FMN1: variants seen among roughly 807,000 people sequenced by gnomAD.
FMN1 encodes formin-1.
A neutral mutation model predicts 132.4 loss-of-function variants in FMN1; 110 were observed. The observed-to-expected ratio is 0.83, with a 90% confidence interval of 0.71 to 0.97. The LOEUF (loss-of-function observed/expected upper bound fraction) is 0.97, where lower values mean the gene tolerates loss of function less well. Among genes scored for constraint, FMN1 ranks in the 50% least tolerant of loss-of-function variants. The pLI is 0.00. For missense variants in FMN1, 1,792 were observed against 1,705.3 expected, an observed-to-expected ratio of 1.05 and a Z score of -0.90; for synonymous variants, 722 against 651.7, an observed-to-expected ratio of 1.11 and a Z score of -1.64.
At chr15:32,937,230 A>G (rs1226042015) in intron 9 of FMN1, among the ~76,000 whole-genome samples, 6 of 152,138 alleles carry the variant, frequency 3.9e-5, no homozygotes, top group Admixed American at 3.3e-4. Context: ...TTCACACACA[A>G]CAGAAACCAG....
In FMN1 at chr15:33,067,248, T is replaced by G. The variant is rs747253788; in HGVS notation, c.2044-2174A>C. ...TTGCCAGCTTCCAGTTTGCTGCTCATCTCAGGTGGAATCCTTTGAGGATCT... is the reference window on the plus strand; with the variant it reads ...TTGCCAGCTTCCAGTTTGCTGCTCAGCTCAGGTGGAATCCTTTGAGGATCT... On this transcript the variant is annotated intron_variant, in intron 5 of 20. Coordinates refer to ENST00000616417, the MANE Select transcript of FMN1 (RefSeq NM_001277313.2). 3 of 1,613,502 alleles carry G rather than the reference T, an allele frequency of 1.9e-6. No individual in the cohort carries two copies. In the South Asian group the frequency reaches 3.3e-5, roughly 18 times the overall value.
At chr15:33,068,969 C>G (rs1471478088) in intron 5 of FMN1, among the ~76,000 whole-genome samples, 2 of 152,220 alleles carry the variant, frequency 1.3e-5, no homozygotes, top group African/African-American at 2.4e-5. Context: ...CGCCTCTCCC[C>G]CTTTGGTGTC....
chr15:33,150,113 C>T, intron 4 of FMN1: 2 of 985,430 alleles, frequency 2.0e-6, no homozygotes, highest in South Asian at 4.7e-5. Flanking sequence ...CAAGAGCATA[C>T]TAAAGATTGG....
At chr15:32,895,241 C>T (rs2060125342) in intron 15 of FMN1, among the ~76,000 whole-genome samples, 1 of 151,402 alleles carries the variant, frequency 6.6e-6, no homozygotes, top group Admixed American at 6.6e-5. Context: ...TGTTCGTATG[C>T]ATGTGTGAGA....
chr15:33,095,124 G>C (rs1290796180), intron 4 of FMN1, among the ~76,000 whole-genome samples: 1 of 152,184 alleles, frequency 6.6e-6, no homozygotes, highest in Non-Finnish European at 1.5e-5. Context: ...GAGGTGGGCA[G>C]ATCACTAGAG....
intron 5 of FMN1, among the ~76,000 whole-genome samples, chr15:33,085,079 T>C (rs1566902036): frequency 6.6e-6 from 1 of 152,226 alleles, no homozygotes; most frequent in Non-Finnish European, 1.5e-5. Context: ...CTGCTAGTCA[T>C]TAACAGCAGG....
intron 5 of FMN1, among the ~76,000 whole-genome samples, chr15:33,079,702 T>C (rs1343894293): frequency 6.6e-6 from 1 of 152,260 alleles, no homozygotes; most frequent in African/African-American, 2.4e-5. Context: ...CTTTAAGAAT[T>C]TGTGATCAGC....
In FMN1 at chr15:32,773,979, T is replaced by A; in HGVS notation, c.*331A>T. ...AATGTGACATATATCAAGCTTTGGTTATAAAGCTGGAAATCTCAGCTTTTA... is the reference window on the plus strand; with the variant it reads ...AATGTGACATATATCAAGCTTTGGTAATAAAGCTGGAAATCTCAGCTTTTA... On this transcript the variant is annotated 3_prime_UTR_variant, in exon 21 of 21. Transcript: ENST00000616417. 3.0e-6 allele frequency: 1 copy of A among 334,972 alleles called. No homozygotes were observed. The allele number at this position is 334,972 out of a possible 1,614,324, so 20.7% of individuals were successfully genotyped here.
chr15:32,892,698 T>G (rs958553221), intron 15 of FMN1, among the ~76,000 whole-genome samples: 2 of 152,210 alleles, frequency 1.3e-5, no homozygotes, highest in Non-Finnish European at 2.9e-5. Context: ...TGGACCTTTT[T>G]TTTTGTTGGT....
At chr15:33,108,932 G>A (rs182715627) in intron 4 of FMN1, among the ~76,000 whole-genome samples, 2 of 152,226 alleles carry the variant, frequency 1.3e-5, no homozygotes, top group East Asian at 1.9e-4. Context: ...CTCCCAATAT[G>A]AATCCTTCAG....
rs191225019 is a variant in FMN1, at chr15:32,892,637, C to T, written c.3715-4345G>A. Among the ~76,000 whole-genome samples, 119 of 152,244 alleles carry T rather than the reference C, an allele frequency of 7.8e-4. 3 individuals carry two copies. Among genetic ancestry groups the T allele is most frequent in the East Asian group, 5.8e-4 (3 of 5,184 alleles). ...GGAATAGTGTCAAAAGGATTGTTAT[C>T]AATTCTCCTTTGAATGTCTGGTAGA... On this transcript the variant is annotated intron_variant, in intron 15 of 20. Transcript: ENST00000616417.
rs145089392 is a variant in FMN1, at chr15:33,055,653, T to G, written c.2161+9304A>C. Among the ~76,000 whole-genome samples the G allele has an allele frequency of 2.8e-3, 416 of 151,102 alleles. 1 individual carries two copies. Among genetic ancestry groups the G allele is most frequent in the Non-Finnish European group, 4.4e-3 (296 of 67,834 alleles). On this transcript the variant is annotated intron_variant, in intron 6 of 20. Coordinates refer to ENST00000616417, the MANE Select transcript of FMN1 (RefSeq NM_001277313.2). ...AAATCAACGCCCAGAATATTGCAGG[T>G]CTAAATGACAAATGAAGAGCACTAA...
intron 10 of FMN1, among the ~76,000 whole-genome samples, chr15:32,916,569 C>T (rs1237696844): frequency 6.6e-6 from 1 of 152,190 alleles, no homozygotes; most frequent in Admixed American, 6.5e-5. Context: ...GTTGGGTTGG[C>T]TCACCAGGTT....
At chr15:32,804,260 G>C in intron 18 of FMN1, 21 bp downstream of exon 18, 1 of 1,545,916 alleles carries the variant, frequency 6.5e-7, no homozygotes, top group Non-Finnish European at 8.8e-7. Context: ...AAAGAACTGG[G>C]GCCAAATCAG....
intron 7 of FMN1, among the ~76,000 whole-genome samples, chr15:32,990,283 G>A (rs2033351662): frequency 6.6e-6 from 1 of 152,080 alleles, no homozygotes; most frequent in South Asian, 2.1e-4. Flanking sequence ...CACTGGGAGG[G>A]CAGCAAAGAA....
At chr15:32,914,613 A>G (rs2060640307) in intron 10 of FMN1, among the ~76,000 whole-genome samples, 1 of 152,224 alleles carries the variant, frequency 6.6e-6, no homozygotes, top group Admixed American at 6.5e-5. Flanking sequence ...TATTACACAC[A>G]CAAAAAGTCA....
At chr15:33,104,114 A>G (rs1214456770) in intron 4 of FMN1, among the ~76,000 whole-genome samples, 1 of 152,178 alleles carries the variant, frequency 6.6e-6, no homozygotes, top group Non-Finnish European at 1.5e-5. Context: ...ACTTTTATCA[A>G]TACAGTCAAG....
At chr15:33,000,487 G>C (rs2034035480) in intron 7 of FMN1, among the ~76,000 whole-genome samples, 1 of 148,460 alleles carries the variant, frequency 6.7e-6, no homozygotes, top group Non-Finnish European at 1.5e-5. Context: ...GTGTAAATAG[G>C]AATTTAGGGC....
At chr15:32,911,584 C>T (rs2060563180) in intron 10 of FMN1, among the ~76,000 whole-genome samples, 4 of 152,160 alleles carry the variant, frequency 2.6e-5, no homozygotes, top group Admixed American at 2.0e-4. Context: ...TTTAGAATCA[C>T]ATGAACCCTT....
Sources: gnomAD v4.1 joint callset for allele counts (sites outside exome capture counted in the v4.1 genomes callset) on GRCh38, gnomAD v4.1.1 for gene constraint, MANE v1.5 for transcripts, NCBI Gene and HGNC (gene_info 2026-07-23, HGNC 2026-07-21) for gene names.